POU2F1: variants seen among roughly 807,000 people sequenced by gnomAD.
POU2F1 encodes POU domain, class 2, transcription factor 1.
In POU2F1, 16 loss-of-function variants were observed where a neutral mutation model predicts 84.9. The ratio of observed to expected loss-of-function variants is 0.19; its 90% confidence interval spans 0.13 to 0.29. The LOEUF is 0.29. Ranked by LOEUF, POU2F1 falls within the 10% of genes least tolerant of loss-of-function variation. The pLI is 1.00. For synonymous variants in POU2F1, 368 were observed against 368.3 expected, an observed-to-expected ratio of 1.00 and a Z score of 0.01; for missense variants, 738 against 942.6, an observed-to-expected ratio of 0.78 and a Z score of 2.84.
At chr1:167,373,492 A>G (rs1040206380) in intron 5 of POU2F1, among the ~76,000 whole-genome samples, 7 of 152,208 alleles carry the variant, frequency 4.6e-5, no homozygotes, top group African/African-American at 1.4e-4. Context: ...GAGAACGGCT[A>G]TCACCACCTG....
rs923163763 is a variant in POU2F1, at chr1:167,417,183, T to G, written c.*1373T>G. 4 of 152,204 alleles carry G rather than the reference T, an allele frequency of 2.6e-5. No individual in the cohort carries two copies. Among genetic ancestry groups the G allele is most frequent in the Non-Finnish European group, 5.9e-5 (4 of 68,052 alleles). The allele number at this position is 152,204 out of a possible 1,614,324, so 9.4% of individuals were successfully genotyped here. ...CCTTTCCACTGGATGGTTTATAAAT[T>G]CCTCTAACCCTGAGATTCTTCTTGG... On this transcript the variant is annotated 3_prime_UTR_variant, in exon 16 of 16. Coordinates refer to ENST00000367866, the MANE Select transcript of POU2F1 (RefSeq NM_002697.4).
intron 2 of POU2F1, chr1:167,357,359 TCCCCCCCCACCC>T (rs1659016447): frequency 1.8e-4 from 4 of 21,870 alleles, no homozygotes; most frequent in African/African-American, 7.5e-4. Flanking sequence ...CCCCCACGCC[TCCCCCCCCACCC>T]CCCCCCCACC....
chr1:167,314,360 C>G (rs1262370814), intron 1 of POU2F1, among the ~76,000 whole-genome samples: 4 of 152,136 alleles, frequency 2.6e-5, no homozygotes, highest in Admixed American at 1.3e-4. Flanking sequence ...CCTACTAGAA[C>G]AGCTAAAATA....
intron 1 of POU2F1, among the ~76,000 whole-genome samples, chr1:167,221,659 G>A (rs960051069): frequency 2.0e-5 from 3 of 151,044 alleles, no homozygotes; most frequent in Non-Finnish European, 4.4e-5. Flanking sequence ...GAGCCCGGGG[G>A]TCACGGCCCC....
At chr1:167,415,360 A>G (rs957044834) in intron 15 of POU2F1, 140 bp from the exon 16 acceptor site, 37 of 867,348 alleles carry the variant, frequency 4.3e-5, no homozygotes, top group Admixed American at 8.3e-5. Flanking sequence ...ACTGTGTTTG[A>G]GGAAAAAAAT....
chr1:167,353,395 C>T (rs112818056), intron 2 of POU2F1, among the ~76,000 whole-genome samples: 209 of 151,844 alleles, frequency 1.4e-3, no homozygotes, highest in African/African-American at 4.8e-3. Flanking sequence ...CTCTTTACCC[C>T]CACCGCCTCC....
At chr1:167,326,078 C>T (rs574453706) in intron 1 of POU2F1, among the ~76,000 whole-genome samples, 1 of 152,248 alleles carries the variant, frequency 6.6e-6, no homozygotes, top group East Asian at 1.9e-4. Context: ...TTACTACCTT[C>T]TATGAACCCT....
chr1:167,269,489 A>C (rs955318447), intron 1 of POU2F1, among the ~76,000 whole-genome samples: 2 of 152,236 alleles, frequency 1.3e-5, no homozygotes, highest in Non-Finnish European at 2.9e-5. Flanking sequence ...TCGGACAGTT[A>C]ATAAGTGGTT....
At chr1:167,269,255 C>T (rs1295044057) in intron 1 of POU2F1, among the ~76,000 whole-genome samples, 1 of 152,200 alleles carries the variant, frequency 6.6e-6, no homozygotes, top group East Asian at 1.9e-4. Flanking sequence ...TTGAAATTAG[C>T]CTGCTAATTG....
chr1:167,405,085 C>T (rs1649477553), intron 13 of POU2F1, among the ~76,000 whole-genome samples: 1 of 152,164 alleles, frequency 6.6e-6, no homozygotes, highest in South Asian at 2.1e-4. Flanking sequence ...TGCAAGTGAG[C>T]ATTGCCATAC....
At chr1:167,339,843 C>T (rs1354421113) in intron 2 of POU2F1, among the ~76,000 whole-genome samples, 1 of 152,114 alleles carries the variant, frequency 6.6e-6, no homozygotes, top group Non-Finnish European at 1.5e-5. Flanking sequence ...TATTATAAAA[C>T]AATTTGTTAT....
intron 1 of POU2F1, among the ~76,000 whole-genome samples, chr1:167,256,977 G>T (rs1483131246): frequency 6.6e-6 from 1 of 152,170 alleles, no homozygotes; most frequent in African/African-American, 2.4e-5. Flanking sequence ...GGATGTGCTT[G>T]TGGAAAATGT....
chr1:167,299,266 G>A (rs145830225), intron 1 of POU2F1, among the ~76,000 whole-genome samples: 1 of 151,732 alleles, frequency 6.6e-6, no homozygotes, highest in Non-Finnish European at 1.5e-5. Flanking sequence ...AGTGTATCTT[G>A]TAGTATATAT....
intron 2 of POU2F1, among the ~76,000 whole-genome samples, chr1:167,352,579 A>G (rs191302603): frequency 3.3e-5 from 5 of 152,360 alleles, no homozygotes; most frequent in African/African-American, 1.2e-4. Context: ...GTCTGAGCTC[A>G]ATTACTATCC....
At chr1:167,243,539 GA>G (rs1401616576) in intron 1 of POU2F1, among the ~76,000 whole-genome samples, 2 of 152,154 alleles carry the variant, frequency 1.3e-5, no homozygotes, top group African/African-American at 2.4e-5. Context: ...GCAGTGGCGT[GA>G]TCTTGGCTCA....
At chr1:167,322,862 G>A (rs375473230) in intron 1 of POU2F1, among the ~76,000 whole-genome samples, 2 of 152,198 alleles carry the variant, frequency 1.3e-5, no homozygotes, top group South Asian at 4.1e-4. Context: ...TGTCCTTAAG[G>A]CACAGATCAC....
chr1:167,231,684 A>C (rs1173669868), intron 1 of POU2F1, among the ~76,000 whole-genome samples: 1 of 152,188 alleles, frequency 6.6e-6, no homozygotes, highest in Non-Finnish European at 1.5e-5. Flanking sequence ...CAGTTGGGGA[A>C]ATCATATGTT....
intron 1 of POU2F1, among the ~76,000 whole-genome samples, chr1:167,233,086 A>G (rs181867169): frequency 1.5e-3 from 234 of 151,534 alleles, no homozygotes; most frequent in Non-Finnish European, 2.5e-3. Context: ...TAAATCTTTT[A>G]TACCATGTTT....
At chr1:167,241,830 T>C (rs528237910) in intron 1 of POU2F1, among the ~76,000 whole-genome samples, 1 of 152,324 alleles carries the variant, frequency 6.6e-6, no homozygotes, top group African/African-American at 2.4e-5. Flanking sequence ...TTCAAAAAGT[T>C]AACATAACTG....
Sources: allele counts gnomAD v4.1 joint callset (sites outside exome capture counted in the v4.1 genomes callset), GRCh38; gene constraint gnomAD v4.1.1; transcripts MANE v1.5; gene names NCBI Gene and HGNC (gene_info 2026-07-23, HGNC 2026-07-21).